Variants in ESR1 observed in about 807,000 individuals in gnomAD.
ESR1 encodes the protein estrogen receptor 1, also known as estrogen receptor.
In ESR1, 12 loss-of-function variants were observed where a neutral mutation model predicts 52.7. The observed-to-expected ratio is 0.23, with a 90% CI of 0.15 to 0.37. ESR1 has a LOEUF of 0.37. ESR1 is among the 10% of genes least tolerant of loss of function. The pLI, the probability that ESR1 is intolerant of heterozygous loss-of-function variation, is 1.00. For missense variants in ESR1, 584 were observed against 779.7 expected (o/e 0.75, Z 2.99); for synonymous variants, 305 against 316.8 (o/e 0.96, Z 0.39).
At chr6:151,778,980 G>A (rs1297446480) in intron 2 of ESR1, among the ~76,000 whole-genome samples, 1 of 151,884 alleles carries the variant, frequency 6.6e-6, no homozygotes, top group Non-Finnish European at 1.5e-5. Context: ...GTTCCTTGTA[G>A]ATTCTGGATA....
At chr6:151,977,886 C>A (rs1485040343) in intron 4 of ESR1, among the ~76,000 whole-genome samples, 2 of 148,330 alleles carry the variant, frequency 1.3e-5, no homozygotes, top group Non-Finnish European at 3.0e-5. Context: ...AGTGTATGCA[C>A]CAACCCTTAG....
At chr6:151,734,512 A>C (rs1410527567) in intron 2 of ESR1, among the ~76,000 whole-genome samples, 3 of 151,826 alleles carry the variant, frequency 2.0e-5, no homozygotes, top group Non-Finnish European at 2.9e-5. Flanking sequence ...GCCCCACTTC[A>C]TTGCTCCTGC....
In ESR1 at chr6:151,747,456, T is replaced by G. The variant is rs75185837; in HGVS notation, c.-71+45451T>G. Reference sequence around the variant, plus strand: ...TGCTATTTTTCTTTCTGGGTTTTGTTGTCAACACAATCTCATCTGCTCTTT... The same window carrying G: ...TGCTATTTTTCTTTCTGGGTTTTGTGGTCAACACAATCTCATCTGCTCTTT... On this transcript the variant is annotated intron_variant, in intron 2 of 2. Coordinates refer to the ESR1 transcript ENST00000404742. Among the ~76,000 whole-genome samples, 8 of 152,346 alleles carry G rather than the reference T, an allele frequency of 5.3e-5. 1 individual carries two copies. In the South Asian group the frequency reaches 1.7e-3, roughly 32 times the overall value.
At chr6:151,899,550 A>G (rs1796280511) in intron 3 of ESR1, among the ~76,000 whole-genome samples, 1 of 141,274 alleles carries the variant, frequency 7.1e-6, no homozygotes, top group Admixed American at 6.9e-5. Context: ...TCCCTCCCGG[A>G]CGGGGCGGCT....
At chr6:151,948,745 T>C (rs1007585203) in intron 4 of ESR1, among the ~76,000 whole-genome samples, 6 of 152,092 alleles carry the variant, frequency 3.9e-5, no homozygotes, top group Non-Finnish European at 8.8e-5. Flanking sequence ...TCTGGACATG[T>C]CTCCCACCAG....
At chr6:151,837,114 C>T (rs1023169473) in intron 1 of ESR1, among the ~76,000 whole-genome samples, 5 of 146,054 alleles carry the variant, frequency 3.4e-5, no homozygotes, top group Admixed American at 6.9e-5. Flanking sequence ...TACCTTCAGA[C>T]ATCCCTCTTT....
At chr6:151,864,056 C>T (rs1015207342) in intron 2 of ESR1, among the ~76,000 whole-genome samples, 1 of 152,158 alleles carries the variant, frequency 6.6e-6, no homozygotes, top group Non-Finnish European at 1.5e-5. Context: ...CCAAAATTGA[C>T]AAATGGGATC....
At chr6:151,715,243 G>A (rs1182964669) in intron 2 of ESR1, among the ~76,000 whole-genome samples, 2 of 152,166 alleles carry the variant, frequency 1.3e-5, no homozygotes, top group Non-Finnish European at 2.9e-5. Flanking sequence ...TGGGTAACAC[G>A]ACCTTTCTCT....
chr6:151,855,796 G>A (rs1787723458), intron 2 of ESR1, among the ~76,000 whole-genome samples: 1 of 152,142 alleles, frequency 6.6e-6, no homozygotes, highest in African/African-American at 2.4e-5. Flanking sequence ...AGAGAAAACA[G>A]AATGCTCTAG....
chr6:151,728,335 A>G (rs1161476017), intron 2 of ESR1, among the ~76,000 whole-genome samples: 1 of 152,228 alleles, frequency 6.6e-6, no homozygotes, highest in Admixed American at 6.5e-5. Context: ...TGAATATGAG[A>G]AAGAAGAAAG....
chr6:151,663,746 A>G (rs1235694978), intron 1 of ESR1, among the ~76,000 whole-genome samples: 2 of 152,224 alleles, frequency 1.3e-5, no homozygotes, highest in South Asian at 4.1e-4. Context: ...CAATTAAGGA[A>G]CAATGCAAGG....
chr6:151,702,795 A>G (rs1352763984), intron 2 of ESR1, among the ~76,000 whole-genome samples: 2 of 152,202 alleles, frequency 1.3e-5, no homozygotes, highest in African/African-American at 4.8e-5. Context: ...AAACTAGTTC[A>G]CAAACCTCTT....
chr6:151,950,188 C>T (rs1235093672), intron 4 of ESR1, among the ~76,000 whole-genome samples: 2 of 152,158 alleles, frequency 1.3e-5, no homozygotes, highest in South Asian at 4.1e-4. Flanking sequence ...TCCATTAAGC[C>T]TCTTTCTTTT....
intron 4 of ESR1, among the ~76,000 whole-genome samples, chr6:151,971,922 C>G (rs1410919394): frequency 6.6e-6 from 1 of 151,816 alleles, no homozygotes; most frequent in East Asian, 1.9e-4. Context: ...TGAGATTAAC[C>G]AGGAAGAGAG....
chr6:151,660,520 A>C (rs930651834), intron 1 of ESR1, among the ~76,000 whole-genome samples: 13 of 152,200 alleles, frequency 8.5e-5, no homozygotes, highest in African/African-American at 3.1e-4. Context: ...ACTCATCAAA[A>C]TTTTAAGCAC....
chr6:152,107,534 C>T (rs770603228), downstream of ESR1, among the ~76,000 whole-genome samples: 26 of 152,006 alleles, frequency 1.7e-4, no homozygotes, highest in Non-Finnish European at 3.2e-4. Context: ...ACATGGTTTC[C>T]TTCAGATATT....
intron 2 of ESR1, among the ~76,000 whole-genome samples, chr6:151,764,048 A>C (rs1784855882): frequency 6.6e-6 from 1 of 152,108 alleles, no homozygotes; most frequent in Admixed American, 6.5e-5. Flanking sequence ...GCTGGAGCAA[A>C]GCGCGGGGGT....
At chr6:151,940,681 C>T (rs1052662262) in intron 3 of ESR1, among the ~76,000 whole-genome samples, 3 of 152,136 alleles carry the variant, frequency 2.0e-5, no homozygotes, top group African/African-American at 7.2e-5. Context: ...CTCCTTCTTC[C>T]CCAGTCACTT....
At chr6:151,719,338 TG>T (rs1462180656) in intron 2 of ESR1, among the ~76,000 whole-genome samples, 1 of 152,058 alleles carries the variant, frequency 6.6e-6, no homozygotes, top group African/African-American at 2.4e-5. Context: ...ATTGGCTGTG[TG>T]GGTGTGGAGG....
Sources: allele counts gnomAD v4.1 joint callset (sites outside exome capture counted in the v4.1 genomes callset), GRCh38; gene constraint gnomAD v4.1.1; transcripts MANE v1.5; gene names NCBI Gene and HGNC (gene_info 2026-07-23, HGNC 2026-07-21).